Variants in MAGI3 observed in about 807,000 individuals in gnomAD.
MAGI3 encodes membrane associated guanylate kinase, WW and PDZ domain containing 3.
MAGI3 carries 43 observed loss-of-function variants against 121.8 expected under a neutral mutation model. That is an observed-to-expected ratio of 0.35 (90% CI 0.28 to 0.46). The LOEUF (loss-of-function observed/expected upper bound fraction) is 0.46, where lower values mean the gene tolerates loss of function less well. MAGI3 is among the 20% of genes least tolerant of loss of function. The probability of loss-of-function intolerance (pLI) is 1.00; values close to 1 mark genes in which losing one functional copy is unlikely to be tolerated. For missense variants in MAGI3, 1,547 were observed against 1,797.3 expected (o/e 0.86, Z 2.52); for synonymous variants, 553 against 639.3 (o/e 0.86, Z 2.04).
intron 6 of MAGI3, among the ~76,000 whole-genome samples, chr1:113,613,711 C>T (rs1391050461): frequency 6.6e-6 from 1 of 152,066 alleles, no homozygotes; most frequent in Non-Finnish European, 1.5e-5. Flanking sequence ...TTCTTTTTTG[C>T]TCAACTGCTA....
At chr1:113,508,269 G>A (rs80118945) in intron 1 of MAGI3, among the ~76,000 whole-genome samples, 3,531 of 152,240 alleles carry the variant, frequency 0.023, 132 homozygotes, top group African/African-American at 0.08. Flanking sequence ...TTTGTTAAGG[G>A]GAAAGAGAAG....
At chr1:113,416,077 TGA>T (rs1557743815) in intron 1 of MAGI3, among the ~76,000 whole-genome samples, 1 of 148,534 alleles carries the variant, frequency 6.7e-6, no homozygotes, top group Non-Finnish European at 1.5e-5. Flanking sequence ...ATGTAATTAA[TGA>T]CACATATTAA....
At chr1:113,661,822 A>G (rs540571033) in intron 16 of MAGI3, among the ~76,000 whole-genome samples, 17 of 152,314 alleles carry the variant, frequency 1.1e-4, no homozygotes, top group African/African-American at 3.4e-4. Context: ...GTCACATTTT[A>G]TATGTTAAAT....
intron 1 of MAGI3, among the ~76,000 whole-genome samples, chr1:113,545,905 C>G (rs1659514853): frequency 6.7e-6 from 1 of 149,236 alleles, no homozygotes; most frequent in African/African-American, 2.4e-5. Context: ...TTTTCATACC[C>G]TTGAAATGTC....
chr1:113,587,615 G>C (rs1648455137), intron 4 of MAGI3, among the ~76,000 whole-genome samples: 1 of 152,128 alleles, frequency 6.6e-6, no homozygotes. Flanking sequence ...TTTATATCTT[G>C]CTGAAGAAAT....
intron 1 of MAGI3, among the ~76,000 whole-genome samples, chr1:113,442,681 CAT>C (rs780403000): frequency 6.6e-6 from 1 of 150,870 alleles, no homozygotes; most frequent in Non-Finnish European, 1.5e-5. Context: ...ATATATCATA[CAT>C]ATATATATAT....
intron 9 of MAGI3, among the ~76,000 whole-genome samples, chr1:113,629,129 TCTGA>T (rs1374703559): frequency 3.3e-5 from 5 of 152,084 alleles, no homozygotes; most frequent in East Asian, 1.9e-4. Context: ...TTTTGTCTCC[TCTGA>T]CTGTGTATTT....
At chr1:113,608,984 G>A (rs4838994) in intron 6 of MAGI3, among the ~76,000 whole-genome samples, 15,693 of 152,152 alleles carry the variant, frequency 0.1, 1,040 homozygotes, top group East Asian at 0.19. Context: ...ATTGCATTCA[G>A]TATTCTGGGA....
At chr1:113,526,795 T>A (rs991149562) in intron 1 of MAGI3, among the ~76,000 whole-genome samples, 2 of 152,112 alleles carry the variant, frequency 1.3e-5, no homozygotes, top group African/African-American at 4.8e-5. Context: ...GAGAACTGAA[T>A]GAGTTTGAGA....
chr1:113,417,293 C>G (rs1391067558), intron 1 of MAGI3, among the ~76,000 whole-genome samples: 2 of 152,072 alleles, frequency 1.3e-5, no homozygotes, highest in African/African-American at 2.4e-5. Context: ...TGCAATTTCA[C>G]CTTATAATGT....
At chr1:113,525,147 T>C (rs1285078032) in intron 1 of MAGI3, among the ~76,000 whole-genome samples, 1 of 152,196 alleles carries the variant, frequency 6.6e-6, no homozygotes. Context: ...TGTTAAATTG[T>C]CCAGTCTCAG....
intron 2 of MAGI3, among the ~76,000 whole-genome samples, chr1:113,572,524 G>A (rs1160266437): frequency 6.6e-6 from 1 of 152,132 alleles, no homozygotes; most frequent in Non-Finnish European, 1.5e-5. Flanking sequence ...CTCTGATCCT[G>A]TGCTTTTTTT....
intron 1 of MAGI3, among the ~76,000 whole-genome samples, chr1:113,489,176 C>CCT (rs1656553962): frequency 6.6e-6 from 1 of 151,696 alleles, no homozygotes; most frequent in Admixed American, 6.6e-5. Context: ...TAGGCCCCCC[C>CCT]CGACCCCAGC....
intron 1 of MAGI3, among the ~76,000 whole-genome samples, chr1:113,471,358 T>C (rs1052897172): frequency 1.3e-5 from 2 of 152,134 alleles, no homozygotes; most frequent in African/African-American, 4.8e-5. Flanking sequence ...TTAAACAACA[T>C]ACTCCTGAAC....
chr1:113,428,599 A>G (rs1476577545), intron 1 of MAGI3, among the ~76,000 whole-genome samples: 1 of 152,226 alleles, frequency 6.6e-6, no homozygotes, highest in African/African-American at 2.4e-5. Context: ...AAAAGTAAAA[A>G]GAAATTTATG....
intron 2 of MAGI3, among the ~76,000 whole-genome samples, chr1:113,569,144 G>GT (rs755783945): frequency 6.1e-4 from 93 of 152,196 alleles, no homozygotes; most frequent in Non-Finnish European, 1.0e-3. Flanking sequence ...GCAAGCTAAT[G>GT]TTTTTTATCA....
At chr1:113,519,760 A>G (rs977041725) in intron 1 of MAGI3, among the ~76,000 whole-genome samples, 11 of 152,180 alleles carry the variant, frequency 7.2e-5, no homozygotes, top group Non-Finnish European at 1.6e-4. Context: ...CAGGATTTTT[A>G]TGGAGGCTTG....
At position 113,555,117 on chromosome 1, in the gene MAGI3, GA is replaced by G. The variant is rs1000359426; in HGVS notation, c.433+5497del. ...AATAACATCTTTAACATGCTGCAAG[GA>G]AAAAAAAAAACGCCAACCTGGATTT... On this transcript the variant is annotated intron_variant, in intron 2 of 20. Transcript: ENST00000307546. Among the ~76,000 whole-genome samples the G allele has an allele frequency of 5.9e-4, 80 of 136,240 alleles. 1 individual carries two copies. The highest frequency in any genetic ancestry group is 1.2e-3 in the African/African-American group (45 of 37,284). 89.4% of individuals were successfully genotyped at this position (136,240 alleles called of 152,430 possible). A position where few individuals can be genotyped will look rare whatever the true frequency, so the allele number is the denominator to read the frequency against.
At chr1:113,476,179 A>G (rs1655809226) in intron 1 of MAGI3, among the ~76,000 whole-genome samples, 1 of 151,968 alleles carries the variant, frequency 6.6e-6, no homozygotes. Flanking sequence ...CAGCTTCTAG[A>G]TTCATTGATT....
Sources: gnomAD v4.1 joint callset for allele counts (sites outside exome capture counted in the v4.1 genomes callset) on GRCh38, gnomAD v4.1.1 for gene constraint, MANE v1.5 for transcripts, NCBI Gene and HGNC (gene_info 2026-07-23, HGNC 2026-07-21) for gene names.